Variants in MAPK6 observed in about 807,000 individuals in gnomAD.
The protein encoded by MAPK6 is mitogen-activated protein kinase 6, also known as ERK-3.
Under a neutral mutation model 59.3 loss-of-function variants are expected in MAPK6, and 19 were observed. The observed-to-expected ratio is 0.32, with a 90% CI of 0.22 to 0.47. MAPK6 has a LOEUF of 0.47. Among genes scored for constraint, MAPK6 ranks in the 20% least tolerant of loss-of-function variants. MAPK6 has a pLI of 1.00. For missense variants in MAPK6, 724 were observed against 847.9 expected, an observed-to-expected ratio of 0.85 and a Z score of 1.81; for synonymous variants, 316 against 290.3, an observed-to-expected ratio of 1.09 and a Z score of -0.90.
intron 5 of MAPK6, among the ~76,000 whole-genome samples, chr15:52,062,222 A>AT (rs1388567962): frequency 6.6e-5 from 10 of 151,778 alleles, no homozygotes; most frequent in African/African-American, 1.4e-4. Context: ...TAGAGGTGGG[A>AT]TTTTATGTTG....
chr15:51,996,836 G>A (rs906395957), intron 2 of MAPK6, among the ~76,000 whole-genome samples: 2 of 151,900 alleles, frequency 1.3e-5, no homozygotes, highest in African/African-American at 4.8e-5. Flanking sequence ...AGGACTATAG[G>A]TATGTGCCAC....
intron 3 of MAPK6, among the ~76,000 whole-genome samples, chr15:52,058,203 T>G (rs1284218036): frequency 6.6e-6 from 1 of 152,232 alleles, no homozygotes; most frequent in Non-Finnish European, 1.5e-5. Flanking sequence ...CATAGAACTA[T>G]AAAACTTCCT....
At chr15:52,014,378 G>A (rs78985444), upstream of MAPK6, among the ~76,000 whole-genome samples, 1 of 151,952 alleles carries the variant, frequency 6.6e-6, no homozygotes, top group Non-Finnish European at 1.5e-5. Context: ...AACTATATAT[G>A]TCATCAATTT....
upstream of MAPK6, among the ~76,000 whole-genome samples, chr15:52,016,779 C>G (rs962407815): frequency 7.9e-5 from 12 of 152,150 alleles, no homozygotes; most frequent in Non-Finnish European, 1.6e-4. Context: ...GGTGTGGTGG[C>G]TCATGCCTGT....
intron 2 of MAPK6, among the ~76,000 whole-genome samples, chr15:51,984,688 G>GT (rs1202861983): frequency 6.6e-6 from 1 of 151,854 alleles, no homozygotes; most frequent in South Asian, 2.1e-4. Flanking sequence ...CAGTTCTCCG[G>GT]GGGGGAAGAA....
chr15:52,030,880 C>G (rs539486703), intron 1 of MAPK6, among the ~76,000 whole-genome samples: 15 of 150,714 alleles, frequency 1.0e-4, no homozygotes, highest in African/African-American at 3.4e-4. Context: ...CAGTCTCTGC[C>G]TCCTGGGTTC....
chr15:51,995,849 AC>A (rs1415189328), intron 2 of MAPK6, among the ~76,000 whole-genome samples: 2 of 151,948 alleles, frequency 1.3e-5, no homozygotes, highest in Non-Finnish European at 2.9e-5. Flanking sequence ...AATCGCTTAA[AC>A]CCGGGAGGCA....
intron 1 of MAPK6, chr15:52,021,686 C>A (rs1039953113): frequency 6.6e-6 from 1 of 151,896 alleles, no homozygotes; most frequent in Non-Finnish European, 1.5e-5. Flanking sequence ...TTTATGGTGT[C>A]GGTAGAAATT....
At chr15:51,979,203 G>C (rs2593197) in intron 1 of MAPK6, among the ~76,000 whole-genome samples, 7 of 137,916 alleles carry the variant, frequency 5.1e-5, no homozygotes, top group African/African-American at 1.3e-4. Context: ...AGAGAAAGAA[G>C]GAAAGAAGAA....
intron 1 of MAPK6, among the ~76,000 whole-genome samples, chr15:52,022,619 C>G (rs2030578622): frequency 1.3e-5 from 2 of 151,652 alleles, no homozygotes; most frequent in Non-Finnish European, 1.5e-5. Context: ...AAGAGTATTG[C>G]ATGATTTATA....
In MAPK6 at chr15:52,064,029, C is replaced by G; in HGVS notation, c.1195C>G (p.Arg399Gly). ...TDEEEVQVDPRKYLDGDREKY... is the reference protein window; with the variant it reads ...TDEEEVQVDPGKYLDGDREKY... ...TGAAGAAGAAGTACAAGTTGATCCC[C>G]GAAAATATTTGGATGGAGATCGGGA... is the stretch of plus-strand genomic sequence containing the variant. Residue 399 changes from arginine (R) to glycine (G), a missense_variant, in exon 6 of 6, where the codon CGA (arginine) becomes GGA (glycine). Around this residue, in one of 4 missense-constraint regions of MAPK6, gnomAD observed 502 missense variants for 507.6 expected, o/e 0.99. Transcript: ENST00000261845. 6.2e-7 allele frequency: 1 copy of G among 1,613,662 alleles called. No individual in the cohort carries two copies. The highest frequency in any genetic ancestry group is 8.5e-7 in the Non-Finnish European group (1 of 1,179,774).
At chr15:52,038,295 T>C (rs1234096477) in intron 1 of MAPK6, among the ~76,000 whole-genome samples, 2 of 152,226 alleles carry the variant, frequency 1.3e-5, no homozygotes, top group African/African-American at 4.8e-5. Flanking sequence ...GTTTAAAAGA[T>C]GTTTTAAAAA....
intron 3 of MAPK6, among the ~76,000 whole-genome samples, chr15:52,009,624 G>A (rs2029995833): frequency 6.6e-6 from 1 of 151,960 alleles, no homozygotes; most frequent in South Asian, 2.1e-4. Context: ...TATTTATTTG[G>A]TTTTATAAAA....
At chr15:51,972,702 G>T (rs1470112257) in intron 1 of MAPK6, among the ~76,000 whole-genome samples, 1 of 150,146 alleles carries the variant, frequency 6.7e-6, no homozygotes, top group African/African-American at 2.4e-5. Flanking sequence ...GGCGCCTGTC[G>T]TCCCAGCTAC....
intron 1 of MAPK6, among the ~76,000 whole-genome samples, chr15:52,023,592 C>T (rs770998038): frequency 6.6e-6 from 1 of 152,182 alleles, no homozygotes; most frequent in Non-Finnish European, 1.5e-5. Flanking sequence ...TAATGTGTGT[C>T]TCTCTAAGAG....
At chr15:52,000,587 C>T (rs1006961080) in intron 2 of MAPK6, among the ~76,000 whole-genome samples, 2 of 152,110 alleles carry the variant, frequency 1.3e-5, no homozygotes, top group Admixed American at 6.5e-5. Flanking sequence ...GCAGGCAGAT[C>T]GCAACTTCAG....
At chr15:51,977,451 A>T (rs2057160653) in intron 1 of MAPK6, among the ~76,000 whole-genome samples, 1 of 151,834 alleles carries the variant, frequency 6.6e-6, no homozygotes, top group Non-Finnish European at 1.5e-5. Context: ...ACACAGGGAG[A>T]CCAAATGAAG....
upstream of MAPK6, chr15:52,018,707 T>C (rs1424387856): frequency 6.5e-6 from 1 of 152,746 alleles, no homozygotes; most frequent in Non-Finnish European, 1.5e-5. Flanking sequence ...ACCTCCTGGT[T>C]ATATCCGCTC....
At chr15:52,013,237 T>G (rs1194319138) in intron 3 of MAPK6, among the ~76,000 whole-genome samples, 2 of 151,254 alleles carry the variant, frequency 1.3e-5, no homozygotes, top group African/African-American at 4.9e-5. Context: ...GGTTAAGTAA[T>G]GTAATAATCC....
Sources: gnomAD v4.1 joint callset for allele counts (sites outside exome capture counted in the v4.1 genomes callset) on GRCh38, gnomAD v4.1.1 for gene constraint, gnomAD v4.1.1 regional missense constraint, MANE v1.5 for transcripts, NCBI Gene and HGNC (gene_info 2026-07-23, HGNC 2026-07-21) for gene names.